VIT: variants seen among roughly 807,000 people sequenced by gnomAD.
VIT encodes vitrin.
In VIT, 99 loss-of-function variants were observed where a neutral mutation model predicts 78.0. The observed-to-expected ratio is 1.27, with a 90% confidence interval of 1.08 to 1.50. The LOEUF (loss-of-function observed/expected upper bound fraction) is 1.50. VIT is among the 40% of genes most tolerant of loss of function. The probability of loss-of-function intolerance (pLI) is 0.00; values close to 1 mark genes in which losing one functional copy is unlikely to be tolerated. For synonymous variants in VIT, 374 were observed against 334.3 expected (o/e 1.12, Z -1.29); for missense variants, 1,126 against 875.3 (o/e 1.29, Z -3.61).
intron 7 of VIT, among the ~76,000 whole-genome samples, chr2:36,773,040 A>G (rs1473513519): frequency 2.0e-5 from 3 of 152,230 alleles, no homozygotes; most frequent in Non-Finnish European, 4.4e-5. Context: ...CAGAGTAATT[A>G]ACGATAACCC....
chr2:36,733,560 T>C (rs1667332045), intron 3 of VIT, among the ~76,000 whole-genome samples: 1 of 130,628 alleles, frequency 7.7e-6, no homozygotes, highest in African/African-American at 2.6e-5. Context: ...TATTTGAAGA[T>C]ATGAAGAGAG....
At chr2:36,756,608 CT>C (rs1050814071) in intron 5 of VIT, among the ~76,000 whole-genome samples, 1 of 152,170 alleles carries the variant, frequency 6.6e-6, no homozygotes, top group African/African-American at 2.4e-5. Context: ...TCCATGTTTC[CT>C]TTTGCCTGCC....
At chr2:36,698,698 C>A (rs1664824998) in intron 1 of VIT, among the ~76,000 whole-genome samples, 1 of 152,154 alleles carries the variant, frequency 6.6e-6, no homozygotes, top group Non-Finnish European at 1.5e-5. Flanking sequence ...AATCCCAGCA[C>A]TTTGGGAGGC....
chr2:36,778,551 C>T (rs1320234777), intron 9 of VIT, among the ~76,000 whole-genome samples: 1 of 152,144 alleles, frequency 6.6e-6, no homozygotes, highest in Non-Finnish European at 1.5e-5. Flanking sequence ...CCAGGTTTCC[C>T]AAAAAATACC....
chr2:36,723,896 C>T (rs139617435), intron 2 of VIT, among the ~76,000 whole-genome samples: 3 of 145,216 alleles, frequency 2.1e-5, no homozygotes, highest in African/African-American at 5.1e-5. Context: ...GGTAGCAGTA[C>T]GCTGTGATCA....
intron 12 of VIT, among the ~76,000 whole-genome samples, chr2:36,791,013 C>T (rs892596085): frequency 1.3e-5 from 2 of 152,218 alleles, no homozygotes; most frequent in Non-Finnish European, 2.9e-5. Flanking sequence ...TCCAGACCTT[C>T]ACTACACTTT....
At chr2:36,702,266 C>T (rs4670590) in intron 1 of VIT, among the ~76,000 whole-genome samples, 127,013 of 151,756 alleles carry the variant, frequency 0.84, 53,750 homozygotes, top group Middle Eastern at 0.95. Context: ...CCCAAGGGTG[C>T]GCTTTGGACA....
chr2:36,797,395 C>G (rs1029011065), intron 12 of VIT, among the ~76,000 whole-genome samples: 1 of 152,114 alleles, frequency 6.6e-6, no homozygotes, highest in Non-Finnish European at 1.5e-5. Context: ...AAAGCCCAAA[C>G]TTGGGGACGG....
chr2:36,806,757 G>A (rs1340943628), intron 14 of VIT, among the ~76,000 whole-genome samples: 1 of 152,034 alleles, frequency 6.6e-6, no homozygotes, highest in Non-Finnish European at 1.5e-5. Context: ...TAGAGATGGG[G>A]TTTCACCATG....
intron 5 of VIT, among the ~76,000 whole-genome samples, chr2:36,758,658 G>C (rs1046027130): frequency 6.6e-6 from 1 of 152,138 alleles, no homozygotes; most frequent in Non-Finnish European, 1.5e-5. Context: ...TTAAACATTC[G>C]AAGCCACACA....
At chr2:36,713,854 A>G (rs1221101511) in intron 1 of VIT, among the ~76,000 whole-genome samples, 1 of 152,216 alleles carries the variant, frequency 6.6e-6, no homozygotes, top group Non-Finnish European at 1.5e-5. Context: ...ACAACTTGGC[A>G]TACTGCATTT....
At chr2:36,711,245 T>G (rs1665780144) in intron 1 of VIT, among the ~76,000 whole-genome samples, 1 of 152,246 alleles carries the variant, frequency 6.6e-6, no homozygotes, top group Non-Finnish European at 1.5e-5. Context: ...TAAATTACTT[T>G]TCTCTTTCTT....
intron 7 of VIT, among the ~76,000 whole-genome samples, chr2:36,769,940 A>G (rs1195633392): frequency 6.6e-6 from 1 of 152,234 alleles, no homozygotes; most frequent in Non-Finnish European, 1.5e-5. Context: ...GTCCAACTAT[A>G]TTAAATAATA....
At position 36,767,286 on chromosome 2, in the gene VIT, G is replaced by A. The variant is rs756436080; in HGVS notation, c.679+1G>A. 1 of 1,554,126 alleles carries A rather than the reference G, an allele frequency of 6.4e-7. No homozygotes were observed. Among genetic ancestry groups the A allele is most frequent in the Non-Finnish European group, 8.7e-7 (1 of 1,151,454 alleles). Reference sequence around the variant, plus strand: ...GTGGGCCACAGGAGCCAGGAGATGGGTCAGTAGGTAGACCATGTGTTGCTT... The same window carrying A: ...GTGGGCCACAGGAGCCAGGAGATGGATCAGTAGGTAGACCATGTGTTGCTT... On this transcript the variant is annotated splice_donor_variant, in intron 7 of 15. Coordinates refer to ENST00000379242, the MANE Select transcript of VIT (RefSeq NM_053276.4). LOFTEE classifies it high-confidence loss of function.
At chr2:36,811,299 C>G (rs1667147822) in intron 15 of VIT, among the ~76,000 whole-genome samples, 1 of 152,206 alleles carries the variant, frequency 6.6e-6, no homozygotes, top group Admixed American at 6.5e-5. Flanking sequence ...CCTGCTTTCT[C>G]CAAACATCTG....
At chr2:36,744,326 G>A (rs1325027093) in intron 4 of VIT, among the ~76,000 whole-genome samples, 1 of 152,150 alleles carries the variant, frequency 6.6e-6, no homozygotes, top group Non-Finnish European at 1.5e-5. Flanking sequence ...TATATACCCA[G>A]CAATGGGTAT....
At position 36,808,747 on chromosome 2, in the gene VIT, C is replaced by A; in HGVS notation, c.1665C>A (p.Thr555=). The A allele has an allele frequency of 6.2e-7, 1 of 1,614,100 alleles. No individual in the cohort carries two copies. The highest frequency in any genetic ancestry group is 8.5e-7 in the Non-Finnish European group (1 of 1,179,944). The part of the protein sequence containing the change: ...TDTRIGAVQY[T]YEQRLEFGFD... ...CGCGCATCGGGGCCGTGCAGTACACCTACGAACAGCGGCTGGAGTTTGGGT... is the reference window on the plus strand; with the variant it reads ...CGCGCATCGGGGCCGTGCAGTACACATACGAACAGCGGCTGGAGTTTGGGT... The change falls in exon 15 of 16, where the codon ACC becomes ACA. Residue 555 remains threonine, a synonymous_variant. Transcript: ENST00000379242.
chr2:36,782,177 T>C (rs1664804727), intron 10 of VIT, among the ~76,000 whole-genome samples: 1 of 152,224 alleles, frequency 6.6e-6, no homozygotes, highest in Non-Finnish European at 1.5e-5. Context: ...CATTAAATAT[T>C]TGAAACTCCA....
chr2:36,768,415 G>A (rs1489949225), intron 7 of VIT, among the ~76,000 whole-genome samples: 1 of 152,164 alleles, frequency 6.6e-6, no homozygotes, highest in Non-Finnish European at 1.5e-5. Context: ...CTGGGTGACA[G>A]AAAGAGACTC....
Sources: gnomAD v4.1 joint callset for allele counts (sites outside exome capture counted in the v4.1 genomes callset) on GRCh38, gnomAD v4.1.1 for gene constraint, MANE v1.5 for transcripts, NCBI Gene and HGNC (gene_info 2026-07-23, HGNC 2026-07-21) for gene names.